TEP1: variants seen among roughly 807,000 people sequenced by gnomAD.
The protein encoded by TEP1 is telomerase protein component 1.
A neutral mutation model predicts 306.3 loss-of-function variants in TEP1; 241 were observed. The observed-to-expected ratio is 0.79, with a 90% CI of 0.71 to 0.88. The LOEUF is 0.88. TEP1 is among the 40% of genes least tolerant of loss of function. TEP1 has a pLI of 0.00. For synonymous variants in TEP1, 1,289 were observed against 1,305.5 expected, an observed-to-expected ratio of 0.99 and a Z score of 0.27; for missense variants, 3,051 against 3,276.1, an observed-to-expected ratio of 0.93 and a Z score of 1.68.
intron 7 of TEP1, 49 bp from the exon 8 acceptor site, chr14:20,401,630 T>A (rs765989117): frequency 3.2e-5 from 52 of 1,603,360 alleles, no homozygotes; most frequent in Non-Finnish European, 3.9e-5. Context: ...TCCATGACCA[T>A]GGGAACTTTC....
chr14:20,368,671 T>C (rs1185466403), intron 54 of TEP1, 112 bp from the exon 55 acceptor site: 11 of 1,545,304 alleles, frequency 7.1e-6, no homozygotes, highest in Non-Finnish European at 8.8e-6. Context: ...ACATTGCAAG[T>C]GATTGAAGAA....
At chr14:20,393,876 CAG>C (rs1345126992) in intron 12 of TEP1, among the ~76,000 whole-genome samples, 2 of 151,594 alleles carry the variant, frequency 1.3e-5, no homozygotes, top group African/African-American at 4.8e-5. Context: ...CGCTTGAGCT[CAG>C]GGGTTTGAAA....
At position 20,382,703 on chromosome 14, in the gene TEP1, G is replaced by A; in HGVS notation, c.4060C>T (p.Leu1354=). The change falls in exon 28 of 55, where the codon CTG becomes TTG. Residue 1354 remains leucine (L), a synonymous_variant. Coordinates refer to ENST00000262715, the MANE Select transcript of TEP1 (RefSeq NM_007110.5). ...SPFNNQMRLL[L]VKRESGRPLY... ...GGCCGGCCTGATTCCCGCTTCACCA[G>A]CAGCAGTCGCATCTGGCAAGACTCA... 1 of 1,614,020 alleles carries A rather than the reference G, an allele frequency of 6.2e-7. No homozygotes were observed. The highest frequency in any genetic ancestry group is 8.5e-7 in the Non-Finnish European group (1 of 1,179,996).
intron 49 of TEP1, among the ~76,000 whole-genome samples, chr14:20,371,843 C>T (rs1434281532): frequency 1.3e-5 from 2 of 152,184 alleles, no homozygotes; most frequent in Non-Finnish European, 2.9e-5. Context: ...GAATCTCTAA[C>T]ATTCTTGGCT....
In TEP1 at chr14:20,376,235, G is replaced by A; in HGVS notation, c.6118C>T (p.Gln2040Ter). 6.2e-7 allele frequency: 1 copy of A among 1,614,154 alleles called. No homozygotes were observed. Among genetic ancestry groups the A allele is most frequent in the South Asian group, 1.1e-5 (1 of 91,080 alleles). ...GCCTTGTGTGGCCGCGTCAGCAGCT[G>A]CCTTGGCCACAGCTGCACTGTGAAA... is the stretch of plus-strand genomic sequence containing the variant. Reference protein sequence around the residue: ...EDFTVQLWPRQLLTRPHKAED... With the variant: ...EDFTVQLWPR Residue 2040 changes from glutamine to a stop codon, truncating the protein, a stop_gained, in exon 42 of 55, where the codon CAG becomes TAG. Transcript: ENST00000262715. LOFTEE classifies it high-confidence loss of function.
chr14:20,377,951 C>T, intron 39 of TEP1, 73 bp downstream of exon 39: 24 of 1,564,496 alleles, frequency 1.5e-5, no homozygotes, highest in Non-Finnish European at 2.0e-5. Flanking sequence ...CAAAGGACCC[C>T]CACCCCCACC....
chr14:20,396,068 A>C (rs1594361779), intron 10 of TEP1, 119 bp from the exon 11 acceptor site: 3 of 623,502 alleles, frequency 4.8e-6, no homozygotes, highest in Middle Eastern at 3.5e-4. Flanking sequence ...CTTAGACAAG[A>C]GATATAGAAA....
rs1179339761 is a variant in TEP1 at position 20,368,892 on chromosome 14, C to T, written c.7667G>A (p.Gly2556Asp). The T allele has an allele frequency of 2.5e-6, 4 of 1,613,378 alleles. No homozygotes were observed. The highest frequency in any genetic ancestry group is 3.4e-6 in the Non-Finnish European group (4 of 1,179,748). Residue 2556 changes from glycine (G) to aspartate (D), a missense_variant, in exon 54 of 55, where the codon GGC (glycine) becomes GAC (aspartate). Physicochemically the swap from Gly to Asp is moderately conservative, Grantham distance 94 (BLOSUM62 -1). Coordinates refer to ENST00000262715, the MANE Select transcript of TEP1 (RefSeq NM_007110.5). ...TAGCACATGGAGGGCTGTGACAGAG[C>T]CCGAGTGAATCTCAAAGAGGAAAGG... ...KTRQRRKIHS[G>D]SVTALHVLPE...
intron 27 of TEP1, 141 bp from the exon 28 acceptor site, chr14:20,382,856 C>A: frequency 1.3e-6 from 1 of 789,896 alleles, no homozygotes; most frequent in South Asian, 1.6e-5. Flanking sequence ...CATCCCAGGA[C>A]ACAAACCATC....
chr14:20,385,998 A>G, intron 20 of TEP1, 77 bp downstream of exon 20: 1 of 1,505,472 alleles, frequency 6.6e-7, no homozygotes, highest in Non-Finnish European at 8.8e-7. Flanking sequence ...AGGGTTTCTG[A>G]CAGAGTGTGG....
Position 20,369,431 on chromosome 14 carries a change from G to A in TEP1, c.7569C>T (p.Thr2523=). 6.2e-7 allele frequency: 1 copy of A among 1,614,198 alleles called. No individual in the cohort carries two copies. The highest frequency in any genetic ancestry group is 2.2e-5 in the East Asian group (1 of 44,894). ...ETQTPGTDPS[T]CRESDASMDS... The stretch of plus-strand genomic sequence containing the variant: ...CCATGCTGGCATCAGATTCCCTGCA[G>A]GTAGATGGGTCTGTCCCTGGAGTTT... Residue 2523 remains threonine, a synonymous_variant, in exon 53 of 55, where the codon ACC becomes ACT. Coordinates refer to ENST00000262715, the MANE Select transcript of TEP1 (RefSeq NM_007110.5).
Position 20,379,110 on chromosome 14 carries a change from G to A in TEP1, c.5128-5C>T, listed in dbSNP as rs764577100. ...ACTCACCACAGACTTCTCCTCCTGC[G>A]ACAGTGGGTGAGGGAGCGCAGCTCA... is the stretch of plus-strand genomic sequence containing the variant. On this transcript the variant is annotated splice_polypyrimidine_tract_variant and splice_region_variant and intron_variant, in intron 35 of 54. Transcript: ENST00000262715. 1.4e-5 allele frequency: 22 copies of A among 1,613,688 alleles called. No homozygotes were observed. Among genetic ancestry groups the A allele is most frequent in the South Asian group, 8.8e-5 (8 of 90,976 alleles).
chr14:20,403,640 G>T, intron 6 of TEP1, 83 bp downstream of exon 6: 1 of 1,600,822 alleles, frequency 6.2e-7, no homozygotes, highest in Non-Finnish European at 8.5e-7. Context: ...CCTGGTGTGG[G>T]ACTCCCCAGC....
chr14:20,375,242 T>C (rs981428729), intron 43 of TEP1, among the ~76,000 whole-genome samples: 2 of 152,062 alleles, frequency 1.3e-5, no homozygotes, highest in African/African-American at 4.8e-5. Flanking sequence ...GCGCGACCTC[T>C]GCCTCCCGGG....
rs187165526 is a variant in TEP1 at position 20,395,673 on chromosome 14, C to T, written c.1751-46G>A. 2.2e-5 allele frequency: 35 copies of T among 1,568,756 alleles called. 1 individual carries two copies. The Middle Eastern group carries it at 8.5e-4, about 38-fold the overall frequency. Reference sequence around the variant, plus strand: ...TTCCGAGTTAGGCAGCTTCTATTCCCTCATCTTTTCCTACCAGTAATGTGA... The same window carrying T: ...TTCCGAGTTAGGCAGCTTCTATTCCTTCATCTTTTCCTACCAGTAATGTGA... On this transcript the variant is annotated intron_variant, in intron 11 of 54. Coordinates refer to ENST00000262715, the MANE Select transcript of TEP1 (RefSeq NM_007110.5).
At position 20,386,092 on chromosome 14, in the gene TEP1, G is replaced by A; in HGVS notation, c.2965C>T (p.His989Tyr). The A allele has an allele frequency of 6.2e-7, 1 of 1,610,384 alleles. No homozygotes were observed. The highest frequency in any genetic ancestry group is 1.1e-5 in the South Asian group (1 of 90,276). ...YIPPSYNLPD[H>Y]PHFHWAQQYP... The stretch of plus-strand genomic sequence containing the variant: ...TGCCTTACCCAGTGGAAGTGTGGAT[G>A]GTCAGGAAGGTTGTAGCTGGGGGGA... The change falls in exon 20 of 55, where the codon CAT (histidine) becomes TAT (tyrosine). Residue 989 changes from histidine to tyrosine, a missense_variant. Around this residue, in one of 3 missense-constraint regions of TEP1, gnomAD observed 1,507 missense variants for 1,550.5 expected, o/e 0.97. Coordinates refer to ENST00000262715, the MANE Select transcript of TEP1 (RefSeq NM_007110.5).
chr14:20,389,488 G>A (rs1336568533), intron 16 of TEP1, 122 bp downstream of exon 16: 61 of 1,507,316 alleles, frequency 4.0e-5, no homozygotes, highest in Non-Finnish European at 5.3e-5. Flanking sequence ...GTGCAACAGA[G>A]GTAAGAAGGC....
chr14:20,394,435 T>C (rs1281166047), intron 12 of TEP1, among the ~76,000 whole-genome samples: 1 of 151,582 alleles, frequency 6.6e-6, no homozygotes, highest in Non-Finnish European at 1.5e-5. Context: ...GTGGCTACAT[T>C]GGTCAGTACA....
At position 20,389,760 on chromosome 14, in the gene TEP1, A is replaced by G. The variant is rs1877537991; in HGVS notation, c.2335-20T>C. 1 of 1,613,566 alleles carries G rather than the reference A, an allele frequency of 6.2e-7. No individual in the cohort carries two copies. Among genetic ancestry groups the G allele is most frequent in the Non-Finnish European group, 8.5e-7 (1 of 1,179,706 alleles). ...GTCCACCTGTAAGATGAAAAGGGAG[A>G]AGATGCTAGAGAAGGGATGCTAGAC... On this transcript the variant is annotated intron_variant, in intron 15 of 54. Transcript: ENST00000262715.
Sources: gnomAD v4.1 joint callset for allele counts (sites outside exome capture counted in the v4.1 genomes callset) on GRCh38, gnomAD v4.1.1 for gene constraint, gnomAD v4.1.1 regional missense constraint, MANE v1.5 for transcripts, NCBI Gene and HGNC (gene_info 2026-07-23, HGNC 2026-07-21) for gene names.